C3orf18: variants seen among roughly 807,000 people sequenced by gnomAD.
The protein encoded by C3orf18 is uncharacterized protein C3orf18.
In C3orf18, 12 loss-of-function variants were observed where a neutral mutation model predicts 14.1. That is an observed-to-expected ratio of 0.85 (90% confidence interval 0.55 to 1.38). The LOEUF (loss-of-function observed/expected upper bound fraction) is 1.38, where lower values mean the gene tolerates loss of function less well. C3orf18 is among the 40% of genes most tolerant of loss of function. The pLI is 0.00. For synonymous variants in C3orf18, 82 were observed against 87.9 expected, an observed-to-expected ratio of 0.93 and a Z score of 0.38; for missense variants, 196 against 213.9, an observed-to-expected ratio of 0.92 and a Z score of 0.52.
upstream of C3orf18, chr3:50,569,431 G>C (rs1200307647): frequency 6.6e-6 from 1 of 152,222 alleles, no homozygotes; most frequent in Admixed American, 6.5e-5. Context: ...GCTGGGCTAC[G>C]GCGTCCGCCC....
chr3:50,571,350 C>A, upstream of C3orf18: 2 of 1,539,478 alleles, frequency 1.3e-6, no homozygotes, highest in South Asian at 2.5e-5. Flanking sequence ...TTAGTGTTGT[C>A]AAGAGGACAG....
upstream of C3orf18, among the ~76,000 whole-genome samples, chr3:50,573,389 C>T (rs1017505936): frequency 2.0e-5 from 3 of 152,216 alleles, no homozygotes; most frequent in Non-Finnish European, 4.4e-5. Flanking sequence ...CCTGAAAACA[C>T]GTGATCTCTG....
upstream of C3orf18, chr3:50,567,756 T>A (rs1445183360): frequency 6.6e-6 from 1 of 152,410 alleles, no homozygotes; most frequent in Non-Finnish European, 1.5e-5. Context: ...GCGCCTTGCC[T>A]CCCTGCACGC....
At chr3:50,562,678 G>A in intron 3 of C3orf18, 1 of 380,270 alleles carries the variant, frequency 2.6e-6, no homozygotes, top group Middle Eastern at 4.3e-4. Context: ...TGAGCTGGTG[G>A]TCTCCGGAGT....
rs1700262122 is a variant in C3orf18, at chr3:50,565,878, A to G, written c.-162-17T>C. The G allele has an allele frequency of 3.3e-6, 2 of 597,046 alleles. No homozygotes were observed. Among genetic ancestry groups the G allele is most frequent in the South Asian group, 4.0e-5 (2 of 50,122 alleles). The allele number at this position is 597,046 out of a possible 1,614,324, so 37.0% of individuals were successfully genotyped here. Reference sequence around the variant, plus strand: ...TCCTGGGTGCTAGAAAGGAAAGAATAAGAAACATGAGGCTAAGGACAGGGG... The same window carrying G: ...TCCTGGGTGCTAGAAAGGAAAGAATGAGAAACATGAGGCTAAGGACAGGGG... On this transcript the variant is annotated splice_polypyrimidine_tract_variant and intron_variant, in intron 2 of 5. Transcript: ENST00000357203. This position sits in a 1 kb window ranked among gnomAD's most constrained non-coding sequence, Gnocchi z 4.4.
At chr3:50,571,396 C>T (rs960636160), upstream of C3orf18, 5 of 1,280,044 alleles carry the variant, frequency 3.9e-6, no homozygotes, top group African/African-American at 6.0e-5. Context: ...GAAGGGATAT[C>T]CAGGTTTTCT....
intron 3 of C3orf18, chr3:50,562,654 TC>T (rs1419316932): frequency 2.4e-6 from 1 of 413,562 alleles, no homozygotes; most frequent in Non-Finnish European, 4.9e-6. Context: ...GAGCAGTGGC[TC>T]TAGGCAAGGC....
chr3:50,563,377 C>T (rs1192692722), intron 3 of C3orf18, among the ~76,000 whole-genome samples: 6 of 152,128 alleles, frequency 3.9e-5, no homozygotes, highest in African/African-American at 9.7e-5. Context: ...CCTCCCTCCC[C>T]TGAGACCCTG....
chr3:50,571,943 G>A (rs541585661), upstream of C3orf18: 123 of 1,291,356 alleles, frequency 9.5e-5, no homozygotes, highest in South Asian at 5.7e-4. Flanking sequence ...GAGTGGGGCC[G>A]GGGTACTGAA....
upstream of C3orf18, among the ~76,000 whole-genome samples, chr3:50,572,809 C>T (rs1242735369): frequency 6.6e-6 from 1 of 152,254 alleles, no homozygotes; most frequent in Admixed American, 6.5e-5. Flanking sequence ...CTTGGTAAGG[C>T]ACCCTGGTCC....
chr3:50,571,121 G>A (rs774515051), upstream of C3orf18: 15 of 1,596,550 alleles, frequency 9.4e-6, no homozygotes, highest in African/African-American at 4.0e-5. Flanking sequence ...CTTTGGGGCC[G>A]AATGCTGTGG....
Position 50,561,086 on chromosome 3 carries a change from G to A in C3orf18, c.261-22C>T, listed in dbSNP as rs1699937777. The A allele has an allele frequency of 5.0e-6, 8 of 1,611,684 alleles. No individual in the cohort carries two copies. In the East Asian group the frequency reaches 1.8e-4, roughly 36 times the overall value. On this transcript the variant is annotated intron_variant, in intron 4 of 5. Transcript: ENST00000357203. The stretch of plus-strand genomic sequence containing the variant: ...CAGCCTGGGGATGGGGGCAAAGGCT[G>A]CTGGGGACAGGGCAGGCCCTTCCCC...
At chr3:50,571,578 C>T (rs2107379894), upstream of C3orf18, 1 of 874,160 alleles carries the variant, frequency 1.1e-6, no homozygotes, top group Non-Finnish European at 1.9e-6. Flanking sequence ...CAGGATGCTG[C>T]CCCCTCTGGG....
At position 50,558,748 on chromosome 3, in the gene C3orf18, G is replaced by A; in HGVS notation, c.*909C>T. ...TGGAGAGAGGAACCGTGCTGTGCGT[G>A]CTTCCCTCTTCCCTGCAGTCCCTGA... On this transcript the variant is annotated 3_prime_UTR_variant, in exon 6 of 6. Transcript: ENST00000357203. The A allele has an allele frequency of 7.8e-7, 1 of 1,289,828 alleles. No homozygotes were observed. The highest frequency in any genetic ancestry group is 1.2e-5 in the South Asian group (1 of 81,034). The allele number at this position is 1,289,828 out of a possible 1,614,324, so 79.9% of individuals were successfully genotyped here. A position where few individuals can be genotyped will look rare whatever the true frequency, so the allele number is the denominator to read the frequency against.
At chr3:50,571,177 G>C (rs747273872), upstream of C3orf18, 7 of 1,613,656 alleles carry the variant, frequency 4.3e-6, no homozygotes, top group Admixed American at 1.2e-4. Context: ...CCGGGGCTGG[G>C]CCTTCAGCTC....
At chr3:50,573,588 G>C (rs569914544), upstream of C3orf18, among the ~76,000 whole-genome samples, 48 of 152,202 alleles carry the variant, frequency 3.2e-4, 1 homozygote, top group South Asian at 9.8e-3. Context: ...ACTGCAAGGG[G>C]TGGGGTGAGG....
upstream of C3orf18, chr3:50,571,939 GGCCGGGGT>G: frequency 7.7e-7 from 1 of 1,297,796 alleles, no homozygotes; most frequent in South Asian, 1.3e-5. Context: ...GCAAGAGTGG[GGCCGGGGT>G]ACTGAATAGG....
chr3:50,561,467 C>A (rs1418820202), intron 4 of C3orf18, among the ~76,000 whole-genome samples: 2 of 152,192 alleles, frequency 1.3e-5, no homozygotes, highest in African/African-American at 2.4e-5. Context: ...CAGCCTTCCC[C>A]CTCCCTGCCA....
intron 5 of C3orf18, among the ~76,000 whole-genome samples, chr3:50,560,135 A>C (rs1283370849): frequency 6.6e-6 from 1 of 152,192 alleles, no homozygotes; most frequent in African/African-American, 2.4e-5. Context: ...TGAATATCCC[A>C]AGGGGGCAAT....
Sources: gnomAD v4.1 joint callset for allele counts (sites outside exome capture counted in the v4.1 genomes callset) on GRCh38, gnomAD v4.1.1 for gene constraint, Gnocchi (gnomAD v3.1) non-coding constraint, MANE v1.5 for transcripts, NCBI Gene and HGNC (gene_info 2026-07-23, HGNC 2026-07-21) for gene names.